Variants in ATP11A observed in about 807,000 individuals in gnomAD.
ATP11A encodes the protein ATPase phospholipid transporting 11A, also known as phospholipid-transporting ATPase IH.
In ATP11A, 81 loss-of-function variants were observed where a neutral mutation model predicts 154.4. The ratio of observed to expected loss-of-function variants is 0.52; its 90% CI spans 0.44 to 0.63. The LOEUF is 0.63. Among genes scored for constraint, ATP11A ranks in the 30% least tolerant of loss-of-function variants. The pLI is 0.00. For missense variants in ATP11A, 1,316 were observed against 1,474.3 expected (o/e 0.89, Z 1.76); for synonymous variants, 623 against 585.9 (o/e 1.06, Z -0.91).
At position 112,805,029 on chromosome 13, in the gene ATP11A, A is replaced by G. The variant is rs200407731; in HGVS notation, c.235A>G (p.Ile79Val). Reference protein sequence around the residue: ...FRRVANFYFLIIFLVQLIIDT... With the variant: ...FRRVANFYFLVIFLVQLIIDT... ...AAGAGTAGCCAACTTTTATTTCCTT[A>G]TCATATTTCTGGTGCAGGTAAGGCC... The change falls in exon 3 of 30, where the codon ATC becomes GTC. Residue 79 changes from isoleucine (I) to valine (V), a missense_variant. By Grantham distance (29) the Ile-to-Val change is conservative. Transcript: ENST00000375645. 424 of 1,610,814 alleles carry G rather than the reference A, an allele frequency of 2.6e-4. No individual in the cohort carries two copies. The highest frequency in any genetic ancestry group is 3.4e-4 in the Non-Finnish European group (402 of 1,178,412).
chr13:112,873,500 T>C, intron 26 of ATP11A, 73 bp from the exon 27 acceptor site: 1 of 1,193,788 alleles, frequency 8.4e-7, no homozygotes, highest in Non-Finnish European at 1.2e-6. Flanking sequence ...CCCCCGGCTC[T>C]CTGTCCTGCC....
intron 2 of ATP11A, among the ~76,000 whole-genome samples, chr13:112,803,556 C>A (rs2078194589): frequency 6.7e-6 from 1 of 149,774 alleles, no homozygotes; most frequent in African/African-American, 2.5e-5. Context: ...AAACTATTTC[C>A]AAACTCAGTG....
intron 1 of ATP11A, among the ~76,000 whole-genome samples, chr13:112,737,820 TG>T (rs1475566323): frequency 1.4e-4 from 22 of 152,218 alleles, no homozygotes; most frequent in African/African-American, 5.3e-4. Flanking sequence ...ACAGGTTTGC[TG>T]CCAGTGCTAC....
chr13:112,774,912 AG>A (rs1407000306), intron 1 of ATP11A, among the ~76,000 whole-genome samples: 2 of 151,036 alleles, frequency 1.3e-5, no homozygotes, highest in African/African-American at 4.8e-5. Flanking sequence ...GTGTCTGAGC[AG>A]CTCCTCCCAC....
In ATP11A at chr13:112,733,241, G is replaced by A. The variant is rs192864612; in HGVS notation, c.39+42786G>A. On this transcript the variant is annotated intron_variant, in intron 1 of 29. Coordinates refer to ENST00000375645, the MANE Select transcript of ATP11A (RefSeq NM_015205.3). ...TGAATATGGCTTGGGGGCACACGGC[G>A]CGGGGCACAGCATCTCCACTTTACT... 4.0e-3 allele frequency among the ~76,000 whole-genome samples: 607 copies of A among 152,270 alleles called. 5 individuals are homozygous for A. The highest frequency in any genetic ancestry group is 0.013 in the African/African-American group (556 of 41,548).
chr13:112,882,053 A>G lies in ATP11A; in HGVS notation c.*187A>G. 1 of 1,367,636 alleles carries G rather than the reference A, an allele frequency of 7.3e-7. No homozygotes were observed. The highest frequency in any genetic ancestry group is 9.8e-7 in the Non-Finnish European group (1 of 1,021,964). The allele number at this position is 1,367,636 out of a possible 1,614,324, so 84.7% of individuals were successfully genotyped here. ...CAGCTGCCCTAGGTCCCGTGTGGGA[A>G]TGCTCGTGTGATGGATGGTCCTAAG... On this transcript the variant is annotated 3_prime_UTR_variant, in exon 30 of 30. Transcript: ENST00000375645. This position sits in a 1 kb window ranked among gnomAD's most constrained non-coding sequence, Gnocchi z 5.1.
chr13:112,761,338 A>G (rs2076957461), intron 1 of ATP11A, among the ~76,000 whole-genome samples: 1 of 152,180 alleles, frequency 6.6e-6, no homozygotes, highest in Non-Finnish European at 1.5e-5. Context: ...CAGCAATCTC[A>G]GGAGATGTTG....
At chr13:112,759,199 G>A (rs1333541156) in intron 1 of ATP11A, among the ~76,000 whole-genome samples, 1 of 152,190 alleles carries the variant, frequency 6.6e-6, no homozygotes, top group Non-Finnish European at 1.5e-5. Context: ...GCAGGAGGCG[G>A]CTGGGGGAGC....
At chr13:112,831,160 A>G (rs1407871803) in intron 12 of ATP11A, among the ~76,000 whole-genome samples, 1 of 152,216 alleles carries the variant, frequency 6.6e-6, no homozygotes, top group East Asian at 1.9e-4. Flanking sequence ...TGCACCTGCC[A>G]GGACTGCAGG....
Position 112,789,341 on chromosome 13 carries a change from A to G in ATP11A, c.162+4084A>G, listed in dbSNP as rs528145948. Among the ~76,000 whole-genome samples the G allele has an allele frequency of 4.9e-4, 73 of 150,096 alleles. 1 individual carries two copies. The South Asian group carries it at 0.014, about 30-fold the overall frequency. On this transcript the variant is annotated intron_variant, in intron 2 of 29. Coordinates refer to ENST00000375645, the MANE Select transcript of ATP11A (RefSeq NM_015205.3). Reference sequence around the variant, plus strand: ...CTCTGTGGAGACCTACTTAATTCACACCGAGTGTCCTGACGTGTAGACCCC... The same window carrying G: ...CTCTGTGGAGACCTACTTAATTCACGCCGAGTGTCCTGACGTGTAGACCCC...
intron 28 of ATP11A, among the ~76,000 whole-genome samples, chr13:112,877,128 G>A (rs2080753081): frequency 1.3e-5 from 2 of 152,332 alleles, no homozygotes; most frequent in Middle Eastern, 3.4e-3. Flanking sequence ...TGACTCGGGG[G>A]CCACAGGCAG....
chr13:112,862,189 T>G (rs2080128917), intron 24 of ATP11A, among the ~76,000 whole-genome samples: 1 of 152,264 alleles, frequency 6.6e-6, no homozygotes, highest in Non-Finnish European at 1.5e-5. Context: ...TCTCTGTGCC[T>G]ATGACGATAT....
chr13:112,846,437 A>G (rs774243136), intron 17 of ATP11A, among the ~76,000 whole-genome samples: 4 of 152,144 alleles, frequency 2.6e-5, no homozygotes, highest in Non-Finnish European at 5.9e-5. Flanking sequence ...CTCCTCAAAC[A>G]TCGGAGTTTT....
At chr13:112,871,637 C>G (rs915048695) in intron 25 of ATP11A, 98 bp from the exon 26 acceptor site, 2 of 1,137,908 alleles carry the variant, frequency 1.8e-6, no homozygotes, top group Non-Finnish European at 2.7e-6. Context: ...AGTGTTGGCA[C>G]ACAAGAAAAA....
intron 26 of ATP11A, chr13:112,873,337 C>G (rs113872528): frequency 1.1e-5 from 4 of 350,860 alleles, no homozygotes; most frequent in Non-Finnish European, 1.9e-5. Flanking sequence ...TCTTCCTGAG[C>G]GGTGTGAGGT....
intron 17 of ATP11A, among the ~76,000 whole-genome samples, chr13:112,847,360 C>G (rs1385193638): frequency 6.6e-6 from 1 of 152,240 alleles, no homozygotes; most frequent in Non-Finnish European, 1.5e-5. Flanking sequence ...TTTGCCACCA[C>G]TGTGTTTTTT....
intron 1 of ATP11A, among the ~76,000 whole-genome samples, chr13:112,740,140 CTCTCTCTCTATA>C (rs915736545): frequency 8.7e-5 from 9 of 103,728 alleles, no homozygotes; most frequent in African/African-American, 2.3e-4. Flanking sequence ...CTCTCTCTCT[CTCTCTCTCTATA>C]TATATATATA....
At chr13:112,793,399 G>A (rs1042088650) in intron 2 of ATP11A, among the ~76,000 whole-genome samples, 3 of 152,150 alleles carry the variant, frequency 2.0e-5, no homozygotes, top group Non-Finnish European at 4.4e-5. Context: ...ATGGGGTTTT[G>A]CCATTGTTGG....
At chr13:112,738,976 C>G (rs1038656418) in intron 1 of ATP11A, among the ~76,000 whole-genome samples, 1 of 152,120 alleles carries the variant, frequency 6.6e-6, no homozygotes, top group African/African-American at 2.4e-5. Context: ...TAGCAGAGGA[C>G]TAAGTATACT....
Sources: gnomAD v4.1 joint callset for allele counts (sites outside exome capture counted in the v4.1 genomes callset) on GRCh38, gnomAD v4.1.1 for gene constraint, Gnocchi (gnomAD v3.1) non-coding constraint, MANE v1.5 for transcripts, NCBI Gene and HGNC (gene_info 2026-07-23, HGNC 2026-07-21) for gene names.